The following SAMD5 variants were observed in gnomAD, a reference collection of about 807,000 sequenced individuals.
The protein encoded by SAMD5 is sterile alpha motif domain-containing protein 5.
In SAMD5, 13 loss-of-function variants were observed where a neutral mutation model predicts 11.3. That is an observed-to-expected ratio of 1.15 (90% CI 0.75 to 1.83). The LOEUF (loss-of-function observed/expected upper bound fraction) is 1.83. Among genes scored for constraint, SAMD5 ranks in the 40% most tolerant of loss-of-function variants. The pLI is 0.00. For synonymous variants in SAMD5, 129 were observed against 111.3 expected (o/e 1.16, Z -1.00); for missense variants, 255 against 239.1 (o/e 1.07, Z -0.44).
intron 1 of SAMD5, among the ~76,000 whole-genome samples, chr6:147,686,683 G>T (rs1320879437): frequency 1.4e-5 from 2 of 142,638 alleles, no homozygotes; most frequent in East Asian, 4.0e-4. Flanking sequence ...AGCTTTTTAA[G>T]AAGTTTTGGT....
intron 1 of SAMD5, among the ~76,000 whole-genome samples, chr6:147,668,195 C>A (rs1318276257): frequency 6.6e-6 from 1 of 152,152 alleles, no homozygotes; most frequent in African/African-American, 2.4e-5. Flanking sequence ...TATATTTTTG[C>A]AAACCTTCTC....
intron 1 of SAMD5, among the ~76,000 whole-genome samples, chr6:147,666,118 T>C (rs1554242172): frequency 6.6e-6 from 1 of 152,200 alleles, no homozygotes; most frequent in Non-Finnish European, 1.5e-5. Flanking sequence ...TTTGTATTTT[T>C]AGTAGAGACG....
chr6:147,684,959 G>A (rs1790988703), intron 1 of SAMD5, among the ~76,000 whole-genome samples: 1 of 152,100 alleles, frequency 6.6e-6, no homozygotes, highest in Non-Finnish European at 1.5e-5. Context: ...GTAATTTAAA[G>A]CAGTGGGAAT....
chr6:147,847,081 C>A, the SAMD5 span, among the ~76,000 whole-genome samples: 1 of 152,148 alleles, frequency 6.6e-6, no homozygotes. Context: ...CAAGCCGATG[C>A]AAGCTCATTT....
At chr6:147,635,474 A>G (rs1345498445) in intron 1 of SAMD5, among the ~76,000 whole-genome samples, 1 of 152,172 alleles carries the variant, frequency 6.6e-6, no homozygotes, top group East Asian at 1.9e-4. Context: ...TATATTTTCT[A>G]AAGTAGTTTT....
At chr6:147,918,319 G>A in the SAMD5 span, among the ~76,000 whole-genome samples, 9 of 152,090 alleles carry the variant, frequency 5.9e-5, no homozygotes, top group Admixed American at 2.6e-4. Context: ...TATTCTCTTC[G>A]AAGCAGTTGT....
intron 1 of SAMD5, among the ~76,000 whole-genome samples, chr6:147,612,252 CTG>C (rs1253565596): frequency 6.6e-6 from 1 of 152,180 alleles, no homozygotes; most frequent in African/African-American, 2.4e-5. Context: ...TTGGCAGAGA[CTG>C]TGAGTTTGGT....
intron 1 of SAMD5, among the ~76,000 whole-genome samples, chr6:147,680,221 C>T (rs1289505974): frequency 6.6e-6 from 1 of 151,990 alleles, no homozygotes; most frequent in African/African-American, 2.4e-5. Flanking sequence ...TCAGCTCTAC[C>T]TTGTAGATAT....
the SAMD5 span, among the ~76,000 whole-genome samples, chr6:147,818,696 G>A: frequency 7.3e-4 from 111 of 152,176 alleles, no homozygotes; most frequent in Admixed American, 1.6e-3. Flanking sequence ...TATCCACAAC[G>A]CCAATGGCCC....
the SAMD5 span, among the ~76,000 whole-genome samples, chr6:147,748,135 A>G: frequency 6.6e-6 from 1 of 152,254 alleles, no homozygotes; most frequent in Non-Finnish European, 1.5e-5. Flanking sequence ...TAAGTGTTCA[A>G]AAATTGCAGA....
At chr6:147,803,769 C>T in the SAMD5 span, among the ~76,000 whole-genome samples, 4 of 152,154 alleles carry the variant, frequency 2.6e-5, no homozygotes, top group South Asian at 8.3e-4. Context: ...GACTCCAGAG[C>T]CCAGATACAC....
chr6:147,560,663 G>C (rs966019284), intron 1 of SAMD5, among the ~76,000 whole-genome samples: 6 of 152,112 alleles, frequency 3.9e-5, no homozygotes, highest in African/African-American at 1.4e-4. Flanking sequence ...TAACAGACTT[G>C]AAGTCAGTTA....
the SAMD5 span, among the ~76,000 whole-genome samples, chr6:147,767,864 T>G: frequency 6.6e-6 from 1 of 152,208 alleles, no homozygotes; most frequent in African/African-American, 2.4e-5. Flanking sequence ...GAAGGCTATT[T>G]TAACTAAACT....
chr6:147,556,271 T>C (rs1788854591), intron 1 of SAMD5, among the ~76,000 whole-genome samples: 1 of 152,158 alleles, frequency 6.6e-6, no homozygotes, highest in African/African-American at 2.4e-5. Context: ...TTTTTGTATC[T>C]TTAGTAGAGA....
At chr6:147,632,062 A>T (rs1051867644) in intron 1 of SAMD5, among the ~76,000 whole-genome samples, 1 of 151,960 alleles carries the variant, frequency 6.6e-6, no homozygotes, top group Non-Finnish European at 1.5e-5. Flanking sequence ...TCAGTGGGGG[A>T]GTAGGTGGGA....
rs118093307 is a variant in SAMD5, at chr6:147,722,427, G to T, written c.163-14890G>T. On this transcript the variant is annotated intron_variant, in intron 1 of 1. Coordinates refer to the SAMD5 transcript ENST00000566741. ...GTATTTGCCAATATTTTATGCCCTC[G>T]TCATCCATCCACACTTTGCACAAGC... Among the ~76,000 whole-genome samples, 238 of 152,172 alleles carry T rather than the reference G, an allele frequency of 1.6e-3. 3 individuals are homozygous for T. In the East Asian group the frequency reaches 0.042, roughly 27 times the overall value.
rs1562334312 is a variant in SAMD5 at position 147,616,212 on chromosome 6, ACT to A, written c.162+106826_162+106827del. ...ATTTCATATATATTTATTCATATAT[ACT>A]TCATATATATTTATTCATATATACT... On this transcript the variant is annotated intron_variant, in intron 1 of 1. Transcript: ENST00000566741. Among the ~76,000 whole-genome samples, 146 of 132,546 alleles carry A rather than the reference ACT, an allele frequency of 1.1e-3. 5 individuals are homozygous for A. The highest frequency in any genetic ancestry group is 5.0e-3 in the African/African-American group (140 of 28,120). 87.0% of individuals were successfully genotyped at this position (132,546 alleles called of 152,430 possible). A position where few individuals can be genotyped will look rare whatever the true frequency, so the allele number is the denominator to read the frequency against.
intron 1 of SAMD5, among the ~76,000 whole-genome samples, chr6:147,707,573 T>G (rs1360854868): frequency 2.0e-5 from 3 of 152,192 alleles, no homozygotes; most frequent in African/African-American, 7.2e-5. Context: ...ATCTCTTTGC[T>G]TGTGTTTAAT....
the SAMD5 span, among the ~76,000 whole-genome samples, chr6:147,875,506 T>C: frequency 6.6e-6 from 1 of 152,154 alleles, no homozygotes; most frequent in Non-Finnish European, 1.5e-5. Flanking sequence ...CCTCTTCTCT[T>C]CTACTCTCTT....
Sources: allele counts gnomAD v4.1 joint callset (sites outside exome capture counted in the v4.1 genomes callset), GRCh38; gene constraint gnomAD v4.1.1; transcripts MANE v1.5; gene names NCBI Gene and HGNC (gene_info 2026-07-23, HGNC 2026-07-21).